Variants in MYO1D observed in about 807,000 individuals in gnomAD.
MYO1D encodes unconventional myosin-Id.
Under a neutral mutation model 122.0 loss-of-function variants are expected in MYO1D, and 83 were observed. The observed-to-expected ratio is 0.68, with a 90% confidence interval of 0.57 to 0.82. The LOEUF (loss-of-function observed/expected upper bound fraction) is 0.82, where lower values mean the gene tolerates loss of function less well. Among genes scored for constraint, MYO1D ranks in the 40% least tolerant of loss-of-function variants. The pLI, the probability that MYO1D is intolerant of heterozygous loss-of-function variation, is 0.00. For synonymous variants in MYO1D, 464 were observed against 446.9 expected (o/e 1.04, Z -0.48); for missense variants, 1,157 against 1,269.5 (o/e 0.91, Z 1.35).
intron 21 of MYO1D, among the ~76,000 whole-genome samples, chr17:32,551,555 GCC>G (rs2150884445): frequency 1.4e-5 from 1 of 74,034 alleles, no homozygotes; most frequent in Admixed American, 1.4e-4. Flanking sequence ...CCATCCCACT[GCC>G]ACACACACAC....
intron 13 of MYO1D, among the ~76,000 whole-genome samples, chr17:32,739,842 G>A (rs944174332): frequency 2.6e-5 from 4 of 152,138 alleles, no homozygotes; most frequent in African/African-American, 9.7e-5. Flanking sequence ...GCAGATGAGC[G>A]CAGAGCGAAG....
chr17:32,624,786 C>CT (rs11332360), intron 20 of MYO1D, among the ~76,000 whole-genome samples: 12,414 of 140,166 alleles, frequency 0.089, 673 homozygotes, highest in Non-Finnish European at 0.13. Flanking sequence ...TTTTTTGTAT[C>CT]TTTTTTTTTT....
At chr17:32,781,322 C>T (rs542655461) in intron 1 of MYO1D, among the ~76,000 whole-genome samples, 3 of 152,084 alleles carry the variant, frequency 2.0e-5, no homozygotes, top group Admixed American at 6.5e-5. Flanking sequence ...TTTATGACTG[C>T]CTAAAGTTCC....
At chr17:32,549,953 A>G (rs2086996885) in intron 21 of MYO1D, among the ~76,000 whole-genome samples, 1 of 152,216 alleles carries the variant, frequency 6.6e-6, no homozygotes, top group African/African-American at 2.4e-5. Flanking sequence ...ATAAAACTAT[A>G]AAGTTCTATG....
At chr17:32,800,886 G>T (rs2090455288) in intron 1 of MYO1D, among the ~76,000 whole-genome samples, 1 of 151,938 alleles carries the variant, frequency 6.6e-6, no homozygotes, top group Non-Finnish European at 1.5e-5. Context: ...TAAAAGAGAT[G>T]ATTTTAACTG....
intron 19 of MYO1D, among the ~76,000 whole-genome samples, chr17:32,644,742 C>A (rs1468229281): frequency 6.6e-6 from 1 of 152,046 alleles, no homozygotes; most frequent in Non-Finnish European, 1.5e-5. Context: ...GCAACCCCTG[C>A]CTTTTTTTGT....
At chr17:32,738,012 C>T (rs748970903) in intron 14 of MYO1D, among the ~76,000 whole-genome samples, 3 of 152,196 alleles carry the variant, frequency 2.0e-5, no homozygotes, top group Non-Finnish European at 2.9e-5. Flanking sequence ...TTTCCCTTGA[C>T]CATGACAGTA....
At chr17:32,847,608 G>T (rs931455792) in intron 1 of MYO1D, among the ~76,000 whole-genome samples, 1 of 152,120 alleles carries the variant, frequency 6.6e-6, no homozygotes, top group Non-Finnish European at 1.5e-5. Context: ...TCCACCTCTG[G>T]GGTTCAAGCA....
intron 1 of MYO1D, among the ~76,000 whole-genome samples, chr17:32,809,762 G>C (rs2090553113): frequency 6.6e-6 from 1 of 152,106 alleles, no homozygotes; most frequent in Admixed American, 6.6e-5. Context: ...TAAAATAAGG[G>C]GCACTCATGC....
chr17:32,766,422 C>T (rs528044706), intron 7 of MYO1D, among the ~76,000 whole-genome samples: 1 of 152,226 alleles, frequency 6.6e-6, no homozygotes, highest in South Asian at 2.1e-4. Context: ...CCTCCCTTAC[C>T]CTACCCTATA....
In MYO1D at chr17:32,800,189, TAC is replaced by T. The variant is rs147859354; in HGVS notation, c.96-19407_96-19406del. Among the ~76,000 whole-genome samples the T allele has an allele frequency of 6.4e-4, 98 of 152,278 alleles. 1 individual carries two copies. Among genetic ancestry groups the T allele is most frequent in the African/African-American group, 2.2e-3 (91 of 41,562 alleles). ...TCCAGCAATCCCACTACTGGATATA[TAC>T]ATACCCAAAGGAATTAAAATCACTA... On this transcript the variant is annotated intron_variant, in intron 1 of 21. Transcript: ENST00000318217.
chr17:32,648,341 G>A (rs1253270785), intron 19 of MYO1D, among the ~76,000 whole-genome samples: 1 of 152,170 alleles, frequency 6.6e-6, no homozygotes, highest in Non-Finnish European at 1.5e-5. Context: ...CATCATCCCA[G>A]TTCCTGACAC....
At chr17:32,822,357 C>T (rs1322424813) in intron 1 of MYO1D, among the ~76,000 whole-genome samples, 1 of 142,254 alleles carries the variant, frequency 7.0e-6, no homozygotes, top group East Asian at 2.1e-4. Context: ...GGGAACATCA[C>T]ACACTGGGGC....
At chr17:32,817,940 A>C (rs979469402) in intron 1 of MYO1D, among the ~76,000 whole-genome samples, 1 of 150,436 alleles carries the variant, frequency 6.6e-6, no homozygotes, top group African/African-American at 2.4e-5. Context: ...TCCCGGCTAA[A>C]ACGGTGAAAC....
chr17:32,823,565 A>G (rs2090694326), intron 1 of MYO1D, among the ~76,000 whole-genome samples: 1 of 152,172 alleles, frequency 6.6e-6, no homozygotes, highest in Admixed American at 6.5e-5. Flanking sequence ...TTGGTCATAT[A>G]TATCCCCAAT....
In MYO1D at chr17:32,638,538, C is replaced by T. The variant is rs538046752; in HGVS notation, c.2709+184G>A. On this transcript the variant is annotated intron_variant, in intron 20 of 21. Coordinates refer to ENST00000318217, the MANE Select transcript of MYO1D (RefSeq NM_015194.3). ...CTTTAAAAAATGTCTGCATTTATCT[C>T]TTGGAAACTTTGGATCCTTTTAGAA... Among the ~76,000 whole-genome samples the T allele has an allele frequency of 7.9e-5, 12 of 152,302 alleles. No individual in the cohort carries two copies. The East Asian group carries it at 2.3e-3, about 29-fold the overall frequency.
In MYO1D at chr17:32,653,876, G is replaced by A. The variant is rs2088434339; in HGVS notation, c.2562C>T (p.Tyr854=). ...VANELKRKDK[Y]MNVLFSCHVR... ...CGTGACAGGAAAAGAGGACATTCATGTATTTGTCCTTCCGTTTCAATTCAT... is the reference window on the plus strand; with the variant it reads ...CGTGACAGGAAAAGAGGACATTCATATATTTGTCCTTCCGTTTCAATTCAT... The change falls in exon 19 of 22, where the codon TAC becomes TAT. Residue 854 remains tyrosine (Y), a synonymous_variant. Coordinates refer to ENST00000318217, the MANE Select transcript of MYO1D (RefSeq NM_015194.3). The A allele has an allele frequency of 1.2e-6, 2 of 1,613,864 alleles. No homozygotes were observed. The highest frequency in any genetic ancestry group is 1.7e-6 in the Non-Finnish European group (2 of 1,179,872).
chr17:32,672,162 T>C (rs1360587512), intron 16 of MYO1D, among the ~76,000 whole-genome samples: 1 of 152,204 alleles, frequency 6.6e-6, no homozygotes, highest in Non-Finnish European at 1.5e-5. Context: ...ATAGTCCCAA[T>C]AGGCAGATGT....
chr17:32,711,718 G>C (rs1413508280), intron 16 of MYO1D, among the ~76,000 whole-genome samples: 2 of 152,106 alleles, frequency 1.3e-5, no homozygotes, highest in African/African-American at 4.8e-5. Context: ...AGGACAGAAA[G>C]ACTGGTTCAG....
Sources: allele counts gnomAD v4.1 joint callset (sites outside exome capture counted in the v4.1 genomes callset), GRCh38; gene constraint gnomAD v4.1.1; transcripts MANE v1.5; gene names NCBI Gene and HGNC (gene_info 2026-07-23, HGNC 2026-07-21).